Variants in NR1I2 observed in about 807,000 individuals in gnomAD.
NR1I2 encodes orphan nuclear receptor PAR1.
Under a neutral mutation model 43.3 loss-of-function variants are expected in NR1I2, and 42 were observed. The observed-to-expected ratio is 0.97, with a 90% CI of 0.76 to 1.26. The LOEUF (loss-of-function observed/expected upper bound fraction) is 1.26. Among genes scored for constraint, NR1I2 ranks in the 50% most tolerant of loss-of-function variants. The pLI is 0.00. For missense variants in NR1I2, 559 were observed against 566.7 expected (o/e 0.99, Z 0.14); for synonymous variants, 229 against 215.0 (o/e 1.06, Z -0.57).
At chr3:119,798,164 T>C (rs978980605) in intron 1 of NR1I2, among the ~76,000 whole-genome samples, 1 of 152,216 alleles carries the variant, frequency 6.6e-6, no homozygotes, top group Non-Finnish European at 1.5e-5. Context: ...GTTAGGCTAT[T>C]TCACTGAGTC....
chr3:119,803,652 T>C (rs1361700176), intron 1 of NR1I2, among the ~76,000 whole-genome samples: 2 of 152,202 alleles, frequency 1.3e-5, no homozygotes, highest in Non-Finnish European at 2.9e-5. Flanking sequence ...TATTTTCCAT[T>C]TTGGTATCTG....
rs2055358186 is a variant in NR1I2 at position 119,818,344 on chromosome 3, TTG to T, written c.*1135_*1136del. Reference sequence around the variant, plus strand: ...AAGTGCCTGCCTTGTTTATAGCCACTTGTGAGTAAAAATTTTTTTGCATTTTC... The same window carrying T: ...AAGTGCCTGCCTTGTTTATAGCCACTTGAGTAAAAATTTTTTTGCATTTTC... On this transcript the variant is annotated 3_prime_UTR_variant, in exon 9 of 9. Transcript: ENST00000393716. 1 of 985,338 alleles carries T rather than the reference TTG, an allele frequency of 1.0e-6. No homozygotes were observed. The highest frequency in any genetic ancestry group is 1.2e-6 in the Non-Finnish European group (1 of 829,934). 61.0% of individuals were successfully genotyped at this position (985,338 alleles called of 1,614,324 possible). A position where few individuals can be genotyped will look rare whatever the true frequency, so the allele number is the denominator to read the frequency against.
intron 1 of NR1I2, among the ~76,000 whole-genome samples, chr3:119,806,458 T>A (rs1343364286): frequency 1.3e-5 from 2 of 152,086 alleles, no homozygotes; most frequent in Admixed American, 1.3e-4. Flanking sequence ...CTGTTTTTTT[T>A]TATTTTTTGT....
chr3:119,790,292 G>A (rs543207334), intron 1 of NR1I2, among the ~76,000 whole-genome samples: 7 of 152,046 alleles, frequency 4.6e-5, no homozygotes, highest in Non-Finnish European at 7.4e-5. Flanking sequence ...CCCATGTTTT[G>A]TTTATCCATT....
chr3:119,811,378 C>T, intron 3 of NR1I2, 161 bp from the exon 4 acceptor site: 2 of 672,854 alleles, frequency 3.0e-6, no homozygotes, highest in South Asian at 2.0e-5. Context: ...GAAGAGCCCA[C>T]AGGCCTCTTG....
chr3:119,791,654 A>G (rs1443908513), intron 1 of NR1I2, among the ~76,000 whole-genome samples: 1 of 152,098 alleles, frequency 6.6e-6, no homozygotes, highest in Admixed American at 6.5e-5. Context: ...GTGGCTCACA[A>G]CTGTAATCCC....
At chr3:119,812,610 C>T in intron 4 of NR1I2, 76 bp from the exon 5 acceptor site, 1 of 1,573,490 alleles carries the variant, frequency 6.4e-7, no homozygotes, top group Non-Finnish European at 8.7e-7. Flanking sequence ...GCATGTTTGG[C>T]TGGGGCCTGA....
At position 119,815,752 on chromosome 3, in the gene NR1I2, G is replaced by C; in HGVS notation, c.1081G>C (p.Val361Leu). The change falls in exon 8 of 9, where the codon GTG becomes CTG. Residue 361 changes from valine (V) to leucine (L), a missense_variant. Transcript: ENST00000393716. Reference sequence around the variant, plus strand: ...CCGCCCAGGTGTGCTGCAGCACCGCGTGGTGGACCAGCTGCAGGAGCAATT... The same window carrying C: ...CCGCCCAGGTGTGCTGCAGCACCGCCTGGTGGACCAGCTGCAGGAGCAATT... 1 of 1,613,708 alleles carries C rather than the reference G, an allele frequency of 6.2e-7. No homozygotes were observed. The highest frequency in any genetic ancestry group is 8.5e-7 in the Non-Finnish European group (1 of 1,179,832).
intron 1 of NR1I2, among the ~76,000 whole-genome samples, chr3:119,796,078 T>G (rs1347357725): frequency 6.6e-6 from 1 of 152,170 alleles, no homozygotes; most frequent in East Asian, 1.9e-4. Context: ...CTCCCAGCAC[T>G]TCTCTTTAGT....
At chr3:119,801,877 C>T (rs947817780) in intron 1 of NR1I2, among the ~76,000 whole-genome samples, 8 of 152,142 alleles carry the variant, frequency 5.3e-5, no homozygotes, top group African/African-American at 1.7e-4. Flanking sequence ...CTCATCGGTG[C>T]GATCTCAGGC....
chr3:119,811,765 A>G (rs564319524), intron 4 of NR1I2, 39 bp downstream of exon 4: 20 of 1,540,570 alleles, frequency 1.3e-5, no homozygotes, highest in South Asian at 7.0e-5. Context: ...TGTCACTGCC[A>G]TCTTCATTCT....
chr3:119,793,022 G>A (rs906423818), intron 1 of NR1I2, among the ~76,000 whole-genome samples: 3 of 152,056 alleles, frequency 2.0e-5, no homozygotes, highest in African/African-American at 4.8e-5. Flanking sequence ...GTTCATAGAA[G>A]AGCTGGTTGT....
At chr3:119,792,092 T>A (rs56155951) in intron 1 of NR1I2, 29,386 of 756,746 alleles carry the variant, frequency 0.039, 879 homozygotes, top group African/African-American at 0.12. Flanking sequence ...TCAATATCAT[T>A]CCGTGCATCC....
chr3:119,793,815 T>C (rs1448013976), intron 1 of NR1I2, among the ~76,000 whole-genome samples: 1 of 152,184 alleles, frequency 6.6e-6, no homozygotes, highest in Non-Finnish European at 1.5e-5. Flanking sequence ...TTATTCTATC[T>C]ACCATAAGGA....
At position 119,817,059 on chromosome 3, in the gene NR1I2, G is replaced by A. The variant is rs2055339646; in HGVS notation, c.1161-9G>A. ...TGCACCCACAATCTTTTCTCTGGCT[G>A]GCATGCAGGTTCTTGTTCCTGAAGA... On this transcript the variant is annotated splice_polypyrimidine_tract_variant and intron_variant, in intron 8 of 8. Coordinates refer to ENST00000393716, the MANE Select transcript of NR1I2 (RefSeq NM_003889.4). The A allele has an allele frequency of 6.2e-7, 1 of 1,614,150 alleles. No homozygotes were observed. Among genetic ancestry groups the A allele is most frequent in the African/African-American group, 1.3e-5 (1 of 75,048 alleles).
chr3:119,789,631 A>G (rs1238403866), intron 1 of NR1I2, among the ~76,000 whole-genome samples: 3 of 152,206 alleles, frequency 2.0e-5, no homozygotes, highest in Non-Finnish European at 4.4e-5. Context: ...GCCAAACCAT[A>G]TCAACTATTG....
At position 119,817,365 on chromosome 3, in the gene NR1I2, G is replaced by A. The variant is rs1452910771; in HGVS notation, c.*153G>A. On this transcript the variant is annotated 3_prime_UTR_variant, in exon 9 of 9. Transcript: ENST00000393716. ...GAATTCCTGCTATGACAGCTGGCTA[G>A]CATTCCTCAGGAAGGACATGGGTGC... is the stretch of plus-strand genomic sequence containing the variant. 6.6e-7 allele frequency: 1 copy of A among 1,519,364 alleles called. No individual in the cohort carries two copies. Among genetic ancestry groups the A allele is most frequent in the Non-Finnish European group, 8.8e-7 (1 of 1,137,168 alleles). 94.1% of individuals were successfully genotyped at this position (1,519,364 alleles called of 1,614,324 possible).
chr3:119,813,164 G>A (rs2055268969), intron 5 of NR1I2, among the ~76,000 whole-genome samples: 1 of 152,218 alleles, frequency 6.6e-6, no homozygotes, highest in African/African-American at 2.4e-5. Flanking sequence ...CTGTGGGCCT[G>A]CCAGTGTCTC....
In NR1I2 at chr3:119,814,982, C is replaced by T. The variant is rs766973899; in HGVS notation, c.798C>T (p.Asp266=). ...CCCTCCCCATCCTTGCTGCCAGGGA[C>T]TTGCCCATCGAGGACCAGATCTCCC... Residue 266 remains aspartate, a synonymous_variant, in exon 6 of 9, where the codon GAC becomes GAT. Transcript: ENST00000393716. 6.2e-7 allele frequency: 1 copy of T among 1,614,172 alleles called. No individual in the cohort carries two copies. Among genetic ancestry groups the T allele is most frequent in the Non-Finnish European group, 8.5e-7 (1 of 1,180,034 alleles).
Sources: gnomAD v4.1 joint callset for allele counts (sites outside exome capture counted in the v4.1 genomes callset) on GRCh38, gnomAD v4.1.1 for gene constraint, MANE v1.5 for transcripts, NCBI Gene and HGNC (gene_info 2026-07-23, HGNC 2026-07-21) for gene names.